The following NAP1L5 variants were observed in gnomAD, a reference collection of about 807,000 sequenced individuals.
NAP1L5 encodes the protein nucleosome assembly protein 1 like 5.
For synonymous variants in NAP1L5, 125 were observed against 103.6 expected, an observed-to-expected ratio of 1.21 and a Z score of -1.25; for missense variants, 249 against 246.4, an observed-to-expected ratio of 1.01 and a Z score of -0.07.
At position 88,697,301 on chromosome 4, in the gene NAP1L5, C is replaced by G. The variant is rs546288118; in HGVS notation, c.454G>C (p.Glu152Gln). 5 of 1,608,600 alleles carry G rather than the reference C, an allele frequency of 3.1e-6. No homozygotes were observed. Among genetic ancestry groups the G allele is most frequent in the Non-Finnish European group, 4.2e-6 (5 of 1,176,962 alleles). ...EEYEDDEEEG[E>Q]DEEEEEAAAE... ...GCAGCCTCCTCCTCCTCCTCGTCTT[C>G]CCCCTCCTCCTCGTCATCCTCGTAC... Residue 152 changes from glutamate to glutamine, a missense_variant, in exon 1 of 1, where the codon GAA becomes CAA. Coordinates refer to ENST00000323061, the MANE Select transcript of NAP1L5 (RefSeq NM_153757.4).
rs1329392126 is a variant in NAP1L5 at position 88,697,263 on chromosome 4, G to C, written c.492C>G (p.Ala164=). 1 of 1,570,132 alleles carries C rather than the reference G, an allele frequency of 6.4e-7. No individual in the cohort carries two copies. Among genetic ancestry groups the C allele is most frequent in the Non-Finnish European group, 8.6e-7 (1 of 1,160,628 alleles). ...EEEEEAAAEA[A]AGAKHDDAHA... is the part of the protein sequence containing the mutation. Reference sequence around the variant, plus strand: ...GGGCATCGTCATGTTTGGCCCCCGCGGCAGCCTCTGCCGCAGCCTCCTCCT... The same window carrying C: ...GGGCATCGTCATGTTTGGCCCCCGCCGCAGCCTCTGCCGCAGCCTCCTCCT... Residue 164 remains alanine (A), a synonymous_variant, in exon 1 of 1, where the codon GCC becomes GCG. Coordinates refer to ENST00000323061, the MANE Select transcript of NAP1L5 (RefSeq NM_153757.4).
In NAP1L5 at chr4:88,697,646, A is replaced by C. The variant is rs770203097; in HGVS notation, c.109T>G (p.Cys37Gly). The C allele has an allele frequency of 1.2e-6, 2 of 1,613,552 alleles. No individual in the cohort carries two copies. The highest frequency in any genetic ancestry group is 1.7e-6 in the Non-Finnish European group (2 of 1,179,968). Residue 37 changes from cysteine (C) to glycine (G), a missense_variant, in exon 1 of 1, where the codon TGT (cysteine) becomes GGT (glycine). Cys to Gly is a radical substitution (Grantham distance 159). Transcript: ENST00000323061. The part of the protein sequence containing the change: ...MAEGGAQGGD[C>G]DSAAGDPDSA... The stretch of plus-strand genomic sequence containing the variant: ...TCAGGGTCACCAGCCGCGCTGTCAC[A>C]GTCTCCACCCTGCGCACCGCCTTCC...
Position 88,696,214 on chromosome 4 carries a change from C to G in NAP1L5, c.*992G>C, listed in dbSNP as rs1734581103. 6.6e-6 allele frequency: 1 copy of G among 152,618 alleles called. No individual in the cohort carries two copies. Among genetic ancestry groups the G allele is most frequent in the Non-Finnish European group, 1.5e-5 (1 of 68,040 alleles). 9.5% of individuals were successfully genotyped at this position (152,618 alleles called of 1,614,324 possible). On this transcript the variant is annotated 3_prime_UTR_variant, in exon 1 of 1. Coordinates refer to ENST00000323061, the MANE Select transcript of NAP1L5 (RefSeq NM_153757.4). Reference sequence around the variant, plus strand: ...TCTGAGCTGGGGGTAGGGGCACACACTTGGATTGGTTCTTCAAGTATATAT... The same window carrying G: ...TCTGAGCTGGGGGTAGGGGCACACAGTTGGATTGGTTCTTCAAGTATATAT...
In NAP1L5 at chr4:88,697,189, A is replaced by G. The variant is rs1734684954; in HGVS notation, c.*17T>C. On this transcript the variant is annotated 3_prime_UTR_variant, in exon 1 of 1. Coordinates refer to ENST00000323061, the MANE Select transcript of NAP1L5 (RefSeq NM_153757.4). ...TTTTTTCTTCGTGGGCTTTCTCTTCATCCATCTCTGCCCCCCTTACTTCTT... is the reference window on the plus strand; with the variant it reads ...TTTTTTCTTCGTGGGCTTTCTCTTCGTCCATCTCTGCCCCCCTTACTTCTT... 6.7e-7 allele frequency: 1 copy of G among 1,486,308 alleles called. No homozygotes were observed. Among genetic ancestry groups the G allele is most frequent in the Non-Finnish European group, 8.9e-7 (1 of 1,119,726 alleles). The allele number at this position is 1,486,308 out of a possible 1,614,324, so 92.1% of individuals were successfully genotyped here. A position where few individuals can be genotyped will look rare whatever the true frequency, so the allele number is the denominator to read the frequency against.
In NAP1L5 at chr4:88,697,670, C is replaced by G. The variant is rs770007885; in HGVS notation, c.85G>C (p.Glu29Gln). The G allele has an allele frequency of 1.2e-6, 2 of 1,613,234 alleles. No homozygotes were observed. The highest frequency in any genetic ancestry group is 1.1e-5 in the South Asian group (1 of 91,074). ...CAGTCTCCACCCTGCGCACCGCCTT[C>G]CGCCATTACCTCCTCTGCCGCTGCC... Reference protein sequence around the residue: ...AEAAAEEVMAEGGAQGGDCDS... With the variant: ...AEAAAEEVMAQGGAQGGDCDS... Residue 29 changes from glutamate (E) to glutamine (Q), a missense_variant, in exon 1 of 1, where the codon GAA becomes CAA. Transcript: ENST00000323061.
rs191548457 is a variant in NAP1L5, at chr4:88,697,221, A to C, written c.534T>G (p.Asp178Glu). Residue 178 changes from aspartate to glutamate, a missense_variant, in exon 1 of 1, where the codon GAT becomes GAG. By Grantham distance (45) the Asp-to-Glu change is conservative (BLOSUM62 2). Coordinates refer to ENST00000323061, the MANE Select transcript of NAP1L5 (RefSeq NM_153757.4). ...KHDDAHAEMP[D>E]DAKK Reference sequence around the variant, plus strand: ...TCTGCCCCCCTTACTTCTTGGCGTCATCAGGCATCTCGGCGTGGGCATCGT... The same window carrying C: ...TCTGCCCCCCTTACTTCTTGGCGTCCTCAGGCATCTCGGCGTGGGCATCGT... 241 of 1,520,120 alleles carry C rather than the reference A, an allele frequency of 1.6e-4. 2 individuals are homozygous for C. In the Admixed American group the frequency reaches 5.4e-3, roughly 34 times the overall value. The allele number at this position is 1,520,120 out of a possible 1,614,324, so 94.2% of individuals were successfully genotyped here. A position where few individuals can be genotyped will look rare whatever the true frequency, so the allele number is the denominator to read the frequency against.
rs1263793444 is a variant in NAP1L5, at chr4:88,697,544, C to T, written c.211G>A (p.Glu71Lys). 1.9e-6 allele frequency: 3 copies of T among 1,613,972 alleles called. No individual in the cohort carries two copies. The highest frequency in any genetic ancestry group is 2.2e-5 in the East Asian group (1 of 44,890). Residue 71 changes from glutamate to lysine, a missense_variant, in exon 1 of 1, where the codon GAG (glutamate) becomes AAG (lysine). Coordinates refer to ENST00000323061, the MANE Select transcript of NAP1L5 (RefSeq NM_153757.4). ...CATTTCACCGAATTAGGCAGGCTCT[C>T]GATAAAGTCATTTTTCGGCTTTGGG... ...NAPKPKNDFIESLPNSVKCRV... is the reference protein window; with the variant it reads ...NAPKPKNDFIKSLPNSVKCRV...
At position 88,697,764 on chromosome 4, in the gene NAP1L5, G is replaced by A. The variant is rs1553945798; in HGVS notation, c.-10C>T. On this transcript the variant is annotated 5_prime_UTR_variant, in exon 1 of 1. Transcript: ENST00000323061. The stretch of plus-strand genomic sequence containing the variant: ...TTTCCGAGTCGGCCATGTTAGAGGA[G>A]AAGCCGCAGAGGTCTAGGAGGGCTC... The A allele has an allele frequency of 6.3e-7, 1 of 1,599,190 alleles. No individual in the cohort carries two copies.
chr4:88,697,541 T>G lies in NAP1L5; in HGVS notation c.214A>C (p.Ser72Arg). ...CGGCATTTCACCGAATTAGGCAGGC[T>G]CTCGATAAAGTCATTTTTCGGCTTT... ...APKPKNDFIE[S>R]LPNSVKCRVL... Residue 72 changes from serine to arginine, a missense_variant, in exon 1 of 1, where the codon AGC (serine) becomes CGC (arginine). Transcript: ENST00000323061. 6.2e-7 allele frequency: 1 copy of G among 1,614,126 alleles called. No homozygotes were observed. Among genetic ancestry groups the G allele is most frequent in the Non-Finnish European group, 8.5e-7 (1 of 1,179,996 alleles).
In NAP1L5 at chr4:88,697,389, C is replaced by T. The variant is rs894439716; in HGVS notation, c.366G>A (p.Glu122=). Residue 122 remains glutamate (E), a synonymous_variant, in exon 1 of 1, where the codon GAG becomes GAA. Transcript: ENST00000323061. ...IYKPLLAKIQ[E]LTGEMEGCAW... Reference sequence around the variant, plus strand: ...CACACCCCTCCATCTCGCCGGTGAGCTCTTGGATCTTGGCGAGTAGGGGCT... The same window carrying T: ...CACACCCCTCCATCTCGCCGGTGAGTTCTTGGATCTTGGCGAGTAGGGGCT... The T allele has an allele frequency of 4.3e-6, 7 of 1,614,082 alleles. No individual in the cohort carries two copies. Among genetic ancestry groups the T allele is most frequent in the Non-Finnish European group, 5.9e-6 (7 of 1,180,028 alleles).
rs776088833 is a variant in NAP1L5, at chr4:88,697,212, C to G, written c.543G>C (p.Lys181Asn). The change falls in exon 1 of 1, where the codon AAG becomes AAC. Residue 181 changes from lysine (K) to asparagine (N), a missense_variant. Transcript: ENST00000323061. ...TCATCCATCTCTGCCCCCCTTACTTCTTGGCGTCATCAGGCATCTCGGCGT... is the reference window on the plus strand; with the variant it reads ...TCATCCATCTCTGCCCCCCTTACTTGTTGGCGTCATCAGGCATCTCGGCGT... ...DAHAEMPDDA[K>N]K 58 of 1,516,970 alleles carry G rather than the reference C, an allele frequency of 3.8e-5. No individual in the cohort carries two copies. 94.0% of individuals were successfully genotyped at this position (1,516,970 alleles called of 1,614,324 possible). A position where few individuals can be genotyped will look rare whatever the true frequency, so the allele number is the denominator to read the frequency against.
At position 88,697,137 on chromosome 4, in the gene NAP1L5, G is replaced by C. The variant is rs894555938; in HGVS notation, c.*69C>G. The C allele has an allele frequency of 1.8e-5, 25 of 1,408,564 alleles. No homozygotes were observed. The highest frequency in any genetic ancestry group is 1.8e-5 in the Non-Finnish European group (19 of 1,060,316). 87.3% of individuals were successfully genotyped at this position (1,408,564 alleles called of 1,614,324 possible). A position where few individuals can be genotyped will look rare whatever the true frequency, so the allele number is the denominator to read the frequency against. On this transcript the variant is annotated 3_prime_UTR_variant, in exon 1 of 1. Transcript: ENST00000323061. Reference sequence around the variant, plus strand: ...AAACCTGAGCCTTTTTAAGTCCATCGATATTCTGGGAAAAACAAAACCAGG... The same window carrying C: ...AAACCTGAGCCTTTTTAAGTCCATCCATATTCTGGGAAAAACAAAACCAGG...
rs372916585 is a variant in NAP1L5 at position 88,697,708 on chromosome 4, G to T, written c.47C>A (p.Ala16Glu). ...NQGPAEPSQAAAAAEAAAEEV... is the reference protein window; with the variant it reads ...NQGPAEPSQAEAAAEAAAEEV... ...CTCTGCCGCTGCCTCCGCCGCTGCC[G>T]CCGCCTGGCTAGGCTCCGCAGGCCC... The change falls in exon 1 of 1, where the codon GCG becomes GAG. Residue 16 changes from alanine (A) to glutamate (E), a missense_variant. Physicochemically the swap from Ala to Glu is moderately radical, Grantham distance 107 (BLOSUM62 -1). Coordinates refer to ENST00000323061, the MANE Select transcript of NAP1L5 (RefSeq NM_153757.4). 36 of 1,611,678 alleles carry T rather than the reference G, an allele frequency of 2.2e-5. No homozygotes were observed. The highest frequency in any genetic ancestry group is 1.4e-4 in the South Asian group (13 of 90,974).
Position 88,697,727 on chromosome 4 carries a change from C to G in NAP1L5, c.28G>C (p.Ala10Pro). The G allele has an allele frequency of 1.2e-6, 2 of 1,610,974 alleles. No homozygotes were observed. Among genetic ancestry groups the G allele is most frequent in the Non-Finnish European group, 1.7e-6 (2 of 1,179,060 alleles). Residue 10 changes from alanine to proline, a missense_variant, in exon 1 of 1, where the codon GCG becomes CCG. By Grantham distance (27) the Ala-to-Pro change is conservative. Transcript: ENST00000323061. MADSENQGP[A>P]EPSQAAAAAE... is the part of the protein sequence containing the mutation. ...GCTGCCGCCGCCTGGCTAGGCTCCG[C>G]AGGCCCCTGGTTTTCCGAGTCGGCC...
At position 88,697,778 on chromosome 4, in the gene NAP1L5, C is replaced by G. The variant is rs371680899; in HGVS notation, c.-24G>C. 3 of 1,568,104 alleles carry G rather than the reference C, an allele frequency of 1.9e-6. No homozygotes were observed. The East Asian group carries it at 6.8e-5, about 35-fold the overall frequency. On this transcript the variant is annotated 5_prime_UTR_variant, in exon 1 of 1. Coordinates refer to ENST00000323061, the MANE Select transcript of NAP1L5 (RefSeq NM_153757.4). The stretch of plus-strand genomic sequence containing the variant: ...ATGTTAGAGGAGAAGCCGCAGAGGT[C>G]TAGGAGGGCTCCCGCAGAGGCCCTG...
Position 88,697,055 on chromosome 4 carries a change from C to T in NAP1L5, c.*151G>A. On this transcript the variant is annotated 3_prime_UTR_variant, in exon 1 of 1. Transcript: ENST00000323061. The stretch of plus-strand genomic sequence containing the variant: ...AATCGAGCTGGCCAGGATCTAATTG[C>T]TTTAATTTAATCTATTTTAGGAATG... The T allele has an allele frequency of 1.4e-6, 1 of 706,974 alleles. No individual in the cohort carries two copies. The highest frequency in any genetic ancestry group is 3.5e-5 in the South Asian group (1 of 28,566). 43.8% of individuals were successfully genotyped at this position (706,974 alleles called of 1,614,324 possible).
At position 88,697,105 on chromosome 4, in the gene NAP1L5, T is replaced by A; in HGVS notation, c.*101A>T. 8.9e-7 allele frequency: 1 copy of A among 1,125,836 alleles called. No individual in the cohort carries two copies. The highest frequency in any genetic ancestry group is 1.2e-6 in the Non-Finnish European group (1 of 808,758). The allele number at this position is 1,125,836 out of a possible 1,614,324, so 69.7% of individuals were successfully genotyped here. ...GTCAGAATAAATTCACATTGTATTTTGGTCAAAAACCTGAGCCTTTTTAAG... is the reference window on the plus strand; with the variant it reads ...GTCAGAATAAATTCACATTGTATTTAGGTCAAAAACCTGAGCCTTTTTAAG... On this transcript the variant is annotated 3_prime_UTR_variant, in exon 1 of 1. Transcript: ENST00000323061.
chr4:88,697,734 C>T lies in NAP1L5; in HGVS notation c.21G>A (p.Gln7=), dbSNP rs1734793925. The T allele has an allele frequency of 6.2e-7, 1 of 1,610,060 alleles. No homozygotes were observed. The highest frequency in any genetic ancestry group is 8.5e-7 in the Non-Finnish European group (1 of 1,178,614). The change falls in exon 1 of 1, where the codon CAG becomes CAA. Residue 7 remains glutamine, a synonymous_variant. Transcript: ENST00000323061. The stretch of plus-strand genomic sequence containing the variant: ...CCGCCTGGCTAGGCTCCGCAGGCCC[C>T]TGGTTTTCCGAGTCGGCCATGTTAG... MADSEN[Q]GPAEPSQAAA...
Position 88,697,633 on chromosome 4 carries a change from G to GCCGCGCTGTCACAGTCT in NAP1L5, c.105_121dup (p.Ala41GlufsTer43). ...ACCAGCCGCGCTGTCAGGGTCACCA[G>GCCGCGCTGTCACAGTCT]CCGCGCTGTCACAGTCTCCACCCTG... is the stretch of plus-strand genomic sequence containing the variant. On this transcript the variant is annotated frameshift_variant, in exon 1 of 1. Coordinates refer to ENST00000323061, the MANE Select transcript of NAP1L5 (RefSeq NM_153757.4). LOFTEE classifies it low-confidence loss of function (END_TRUNC). 2 of 1,613,646 alleles carry GCCGCGCTGTCACAGTCT rather than the reference G, an allele frequency of 1.2e-6. No homozygotes were observed. The highest frequency in any genetic ancestry group is 1.7e-6 in the Non-Finnish European group (2 of 1,179,902).
Sources: allele counts gnomAD v4.1 joint callset, GRCh38; gene constraint gnomAD v4.1.1; transcripts MANE v1.5; gene names NCBI Gene and HGNC (gene_info 2026-07-23, HGNC 2026-07-21).